Variants in MGAT4C observed in about 807,000 individuals in gnomAD.
MGAT4C encodes MGAT4 family member C, also known as alpha-1,3-mannosyl-glycoprotein 4-beta-N-acetylglucosaminyltransferase C.
Under a neutral mutation model 40.1 loss-of-function variants are expected in MGAT4C, and 19 were observed. That is an observed-to-expected ratio of 0.47 (90% CI 0.33 to 0.70). MGAT4C has a LOEUF of 0.70. Among genes scored for constraint, MGAT4C ranks in the 30% least tolerant of loss-of-function variants. The pLI is 0.02. For missense variants in MGAT4C, 491 were observed against 563.2 expected, an observed-to-expected ratio of 0.87 and a Z score of 1.30; for synonymous variants, 181 against 187.1, an observed-to-expected ratio of 0.97 and a Z score of 0.27.
intron 2 of MGAT4C, among the ~76,000 whole-genome samples, chr12:86,538,324 A>G (rs1007826320): frequency 6.6e-6 from 1 of 152,122 alleles, no homozygotes; most frequent in African/African-American, 2.4e-5. Context: ...ATTATTCTCA[A>G]GTTGGCAGGG....
chr12:86,023,497 T>C lies in MGAT4C; in HGVS notation c.-7+26177A>G, dbSNP rs1013708092. ...TTTAAAGCCAAGTGGTGAAGCTAGA[T>C]TTTATATTAAGTACTATTTAAGACT... On this transcript the variant is annotated intron_variant, in intron 2 of 4. Transcript: ENST00000611864. 2.6e-5 allele frequency among the ~76,000 whole-genome samples: 4 copies of C among 151,276 alleles called. No homozygotes were observed. In the East Asian group the frequency reaches 5.8e-4, roughly 22 times the overall value.
At chr12:86,315,587 T>A (rs551330036) in intron 4 of MGAT4C, among the ~76,000 whole-genome samples, 4 of 152,068 alleles carry the variant, frequency 2.6e-5, no homozygotes, top group Admixed American at 6.6e-5. Context: ...GCGCCTGTAG[T>A]CCCAGCAGCT....
At chr12:86,267,069 A>T (rs1247639933) in intron 4 of MGAT4C, among the ~76,000 whole-genome samples, 1 of 150,444 alleles carries the variant, frequency 6.6e-6, no homozygotes, top group Admixed American at 6.6e-5. Flanking sequence ...GTTTTGTTTT[A>T]TCTTTTGTAA....
At chr12:86,772,941 C>G (rs1310176020) in intron 1 of MGAT4C, among the ~76,000 whole-genome samples, 1 of 152,004 alleles carries the variant, frequency 6.6e-6, no homozygotes, top group African/African-American at 2.4e-5. Flanking sequence ...AGATTTGTGA[C>G]TTAGAGTTGA....
chr12:86,657,945 T>A (rs540641578), intron 2 of MGAT4C, among the ~76,000 whole-genome samples: 1 of 152,120 alleles, frequency 6.6e-6, no homozygotes, highest in African/African-American at 2.4e-5. Context: ...CAGTACTTTT[T>A]AAATATTCTA....
chr12:86,469,049 A>G (rs61949558), intron 2 of MGAT4C, among the ~76,000 whole-genome samples: 15,784 of 152,086 alleles, frequency 0.1, 1,035 homozygotes, highest in Middle Eastern at 0.25. Context: ...TTCCCCTCAC[A>G]TAACCAGAGG....
chr12:86,338,014 A>G (rs994320688), intron 3 of MGAT4C, among the ~76,000 whole-genome samples: 6 of 152,132 alleles, frequency 3.9e-5, no homozygotes, highest in East Asian at 1.9e-4. Context: ...TAACCGCCCA[A>G]TGGGTTCACC....
rs193146864 is a variant in MGAT4C at position 86,577,983 on chromosome 12, G to A, written c.-228-142718C>T. Among the ~76,000 whole-genome samples the A allele has an allele frequency of 3.7e-3, 560 of 151,750 alleles. 1 individual carries two copies. Among genetic ancestry groups the A allele is most frequent in the Non-Finnish European group, 4.3e-3 (293 of 67,804 alleles). ...GTTCTCTTGCTGTCTAAACATGTCC[G>A]TGTTTGGCATATTGAGTACCTTTTG... On this transcript the variant is annotated intron_variant, in intron 2 of 7. Coordinates refer to the MGAT4C transcript ENST00000548651.
chr12:86,759,021 C>A (rs1342413761), intron 1 of MGAT4C, among the ~76,000 whole-genome samples: 5 of 152,012 alleles, frequency 3.3e-5, no homozygotes, highest in Non-Finnish European at 7.4e-5. Context: ...CACTTGTTGA[C>A]AATCTCTCAT....
intron 2 of MGAT4C, among the ~76,000 whole-genome samples, chr12:86,000,732 A>C (rs1887201531): frequency 6.6e-6 from 1 of 152,210 alleles, no homozygotes; most frequent in Non-Finnish European, 1.5e-5. Context: ...TAGTAGGAGT[A>C]AACATGAATA....
At chr12:86,800,016 T>C (rs1952197760) in intron 1 of MGAT4C, among the ~76,000 whole-genome samples, 1 of 151,914 alleles carries the variant, frequency 6.6e-6, no homozygotes, top group Non-Finnish European at 1.5e-5. Context: ...ATGTAAAATC[T>C]TTGGTTCAGT....
At position 86,410,874 on chromosome 12, in the gene MGAT4C, C is replaced by T. The variant is rs147225072; in HGVS notation, c.-120+24283G>A. ...TCCTCTGCTGTGGCTCCAGTTGGTC[C>T]CTCCATTCGGGGTCCCTGACTTCCC... On this transcript the variant is annotated intron_variant, in intron 3 of 7. Coordinates refer to the MGAT4C transcript ENST00000548651. Among the ~76,000 whole-genome samples, 42 of 152,154 alleles carry T rather than the reference C, an allele frequency of 2.8e-4. No homozygotes were observed. The East Asian group carries it at 7.5e-3, about 27-fold the overall frequency.
intron 3 of MGAT4C, among the ~76,000 whole-genome samples, chr12:86,388,056 C>A: frequency 6.6e-6 from 1 of 152,106 alleles, no homozygotes; most frequent in East Asian, 1.9e-4. Context: ...AAATGTCTTT[C>A]TCTTTTAATA....
intron 1 of MGAT4C, among the ~76,000 whole-genome samples, chr12:86,234,432 G>A (rs1951448222): frequency 6.6e-6 from 1 of 152,144 alleles, no homozygotes; most frequent in African/African-American, 2.4e-5. Flanking sequence ...CACTTTGTAT[G>A]CACACTTGAG....
chr12:86,012,778 A>AACAACAACAACCACCACC (rs1308194133), intron 2 of MGAT4C, among the ~76,000 whole-genome samples: 48 of 136,446 alleles, frequency 3.5e-4, no homozygotes, highest in African/African-American at 1.3e-3. Flanking sequence ...CAACAACAAC[A>AACAACAACAACCACCACC]ACCACCACCA....
rs1961770337 is a variant in MGAT4C at position 86,601,365 on chromosome 12, T to A, written c.-229+125844A>T. 3 of 151,974 alleles carry A rather than the reference T, an allele frequency of 2.0e-5. 1 individual carries two copies. The South Asian group carries it at 6.2e-4, about 32-fold the overall frequency. The allele number at this position is 151,974 out of a possible 1,614,324, so 9.4% of individuals were successfully genotyped here. A position where few individuals can be genotyped will look rare whatever the true frequency, so the allele number is the denominator to read the frequency against. ...TTTCAAGCCCTCCCATGGCCACCTG[T>A]AACCAATCAGCACTCACTTCATCCT... On this transcript the variant is annotated intron_variant, in intron 2 of 7. Transcript: ENST00000548651.
At chr12:86,012,288 G>A (rs1888535724) in intron 2 of MGAT4C, among the ~76,000 whole-genome samples, 1 of 152,108 alleles carries the variant, frequency 6.6e-6, no homozygotes, top group African/African-American at 2.4e-5. Flanking sequence ...TTCATCACAA[G>A]TTTCTGATCC....
intron 2 of MGAT4C, among the ~76,000 whole-genome samples, chr12:86,592,400 T>C (rs1425464160): frequency 6.6e-6 from 1 of 152,144 alleles, no homozygotes; most frequent in Non-Finnish European, 1.5e-5. Flanking sequence ...AAAACGGCTG[T>C]GAAAATTTAC....
intron 1 of MGAT4C, among the ~76,000 whole-genome samples, chr12:86,222,619 A>G (rs1950925647): frequency 6.6e-6 from 1 of 152,220 alleles, no homozygotes; most frequent in Admixed American, 6.5e-5. Context: ...AACTATTCTT[A>G]ATTTTAATCT....
Sources: gnomAD v4.1 joint callset for allele counts (sites outside exome capture counted in the v4.1 genomes callset) on GRCh38, gnomAD v4.1.1 for gene constraint, MANE v1.5 for transcripts, NCBI Gene and HGNC (gene_info 2026-07-23, HGNC 2026-07-21) for gene names.